Variants in SDK1 observed in about 807,000 individuals in gnomAD.
SDK1 encodes the protein sidekick cell adhesion molecule 1.
Under a neutral mutation model 245.5 loss-of-function variants are expected in SDK1, and 157 were observed. The ratio of observed to expected loss-of-function variants is 0.64; its 90% CI spans 0.56 to 0.73. SDK1 has a LOEUF of 0.73. Among genes scored for constraint, SDK1 ranks in the 30% least tolerant of loss-of-function variants. The probability of loss-of-function intolerance (pLI) is 0.00; values close to 1 mark genes in which losing one functional copy is unlikely to be tolerated. For missense variants in SDK1, 3,583 were observed against 3,002.3 expected (o/e 1.19, Z -4.52); for synonymous variants, 1,647 against 1,278.5 (o/e 1.29, Z -6.15).
chr7:3,477,370 A>G (rs1171244578), intron 1 of SDK1, among the ~76,000 whole-genome samples: 1 of 146,714 alleles, frequency 6.8e-6, no homozygotes, highest in Non-Finnish European at 1.5e-5. Flanking sequence ...GAATTTTTGT[A>G]TTTTTAGTAG....
chr7:3,778,126 C>G (rs1272075879), intron 4 of SDK1, among the ~76,000 whole-genome samples: 1 of 152,172 alleles, frequency 6.6e-6, no homozygotes, highest in African/African-American at 2.4e-5. Flanking sequence ...CCCATGCCGT[C>G]GTGTCTCCCA....
intron 1 of SDK1, among the ~76,000 whole-genome samples, chr7:3,598,610 T>G (rs958879295): frequency 1.3e-5 from 2 of 152,210 alleles, no homozygotes; most frequent in African/African-American, 2.4e-5. Flanking sequence ...CACACCTTCC[T>G]CATTTCCCTT....
At chr7:3,857,534 G>C (rs114863576) in intron 5 of SDK1, among the ~76,000 whole-genome samples, 1 of 151,802 alleles carries the variant, frequency 6.6e-6, no homozygotes, top group African/African-American at 2.4e-5. Flanking sequence ...AATAATAAAA[G>C]AAATTAACCA....
intron 4 of SDK1, among the ~76,000 whole-genome samples, chr7:3,784,956 A>C (rs1780854032): frequency 6.6e-6 from 1 of 152,236 alleles, no homozygotes; most frequent in Non-Finnish European, 1.5e-5. Flanking sequence ...TCAGCCTAAG[A>C]GTCCATCAGC....
chr7:4,234,184 G>A (rs1785996803), intron 41 of SDK1, among the ~76,000 whole-genome samples: 1 of 152,182 alleles, frequency 6.6e-6, no homozygotes, highest in Non-Finnish European at 1.5e-5. Flanking sequence ...CTGGGCTCAA[G>A]GTGAGCAGTA....
chr7:3,578,746 T>C (rs1780387481), intron 1 of SDK1, among the ~76,000 whole-genome samples: 1 of 151,882 alleles, frequency 6.6e-6, no homozygotes, highest in Non-Finnish European at 1.5e-5. Context: ...TACGGCTCTT[T>C]TTGCCTCACC....
At chr7:4,005,506 C>T (rs974837126) in intron 14 of SDK1, among the ~76,000 whole-genome samples, 2 of 151,172 alleles carry the variant, frequency 1.3e-5, no homozygotes, top group Admixed American at 6.6e-5. Flanking sequence ...ACCAGCTGCC[C>T]CGCTTCTGGT....
At chr7:3,738,701 C>G (rs1005212347) in intron 4 of SDK1, among the ~76,000 whole-genome samples, 1 of 152,000 alleles carries the variant, frequency 6.6e-6, no homozygotes, top group African/African-American at 2.4e-5. Context: ...TCTTTTATTT[C>G]TTTCAGAAAT....
chr7:3,874,708 A>G (rs1781033567), intron 5 of SDK1, among the ~76,000 whole-genome samples: 2 of 152,050 alleles, frequency 1.3e-5, no homozygotes, highest in Middle Eastern at 3.4e-3. Flanking sequence ...TTCATTCCTT[A>G]GGGAAGATGG....
chr7:3,775,038 C>T (rs1780513459), intron 4 of SDK1, among the ~76,000 whole-genome samples: 2 of 152,326 alleles, frequency 1.3e-5, no homozygotes, highest in East Asian at 1.9e-4. Flanking sequence ...TGATCGATGG[C>T]AGGGTCAGCT....
At chr7:3,379,851 G>T (rs1207443471) in intron 1 of SDK1, among the ~76,000 whole-genome samples, 1 of 152,088 alleles carries the variant, frequency 6.6e-6, no homozygotes, top group African/African-American at 2.4e-5. Context: ...AGTGCTCATT[G>T]GAGCATTTCA....
chr7:4,104,700 A>G (rs1225512044), intron 22 of SDK1, among the ~76,000 whole-genome samples: 2 of 152,070 alleles, frequency 1.3e-5, no homozygotes, highest in African/African-American at 2.4e-5. Context: ...GTATGCATGT[A>G]TGTATTTATT....
Position 4,268,327 on chromosome 7 carries a change from G to T in SDK1, c.*2943G>T. 9.7e-7 allele frequency: 1 copy of T among 1,032,754 alleles called. No homozygotes were observed. The highest frequency in any genetic ancestry group is 5.2e-5 in the Admixed American group (1 of 19,234). The allele number at this position is 1,032,754 out of a possible 1,614,324, so 64.0% of individuals were successfully genotyped here. A position where few individuals can be genotyped will look rare whatever the true frequency, so the allele number is the denominator to read the frequency against. On this transcript the variant is annotated 3_prime_UTR_variant, in exon 45 of 45. Coordinates refer to ENST00000404826, the MANE Select transcript of SDK1 (RefSeq NM_152744.4). ...GCCAGGGCAGAGATTCCAGGCAGGTGAGCCCAGAGAGAGCTGCCAGGCCAC... is the reference window on the plus strand; with the variant it reads ...GCCAGGGCAGAGATTCCAGGCAGGTTAGCCCAGAGAGAGCTGCCAGGCCAC...
intron 1 of SDK1, among the ~76,000 whole-genome samples, chr7:3,406,137 A>G (rs1779048988): frequency 6.6e-6 from 1 of 151,760 alleles, no homozygotes; most frequent in Non-Finnish European, 1.5e-5. Flanking sequence ...TTCTAAACAA[A>G]CTCTAGAACA....
At chr7:3,616,361 G>A (rs1781771635) in intron 1 of SDK1, among the ~76,000 whole-genome samples, 1 of 152,200 alleles carries the variant, frequency 6.6e-6, no homozygotes, top group Admixed American at 6.5e-5. Context: ...AACACGTGTG[G>A]CCCTGCCTGC....
At chr7:4,146,827 C>A (rs1780017714) in intron 29 of SDK1, among the ~76,000 whole-genome samples, 1 of 152,208 alleles carries the variant, frequency 6.6e-6, no homozygotes, top group South Asian at 2.1e-4. Flanking sequence ...AGCAGCATGG[C>A]ATTAGCTCTG....
chr7:4,045,799 A>G (rs923027863), intron 17 of SDK1, among the ~76,000 whole-genome samples: 9 of 152,112 alleles, frequency 5.9e-5, no homozygotes, highest in African/African-American at 2.2e-4. Context: ...AGGGCATCCC[A>G]TCATGGTAAA....
intron 1 of SDK1, among the ~76,000 whole-genome samples, chr7:3,532,924 C>T (rs1214191276): frequency 6.6e-6 from 1 of 152,156 alleles, no homozygotes; most frequent in Non-Finnish European, 1.5e-5. Context: ...TCAAACACAC[C>T]ATGCATCGGC....
At chr7:3,653,889 C>T (rs1783081046) in intron 4 of SDK1, among the ~76,000 whole-genome samples, 1 of 152,146 alleles carries the variant, frequency 6.6e-6, no homozygotes, top group Admixed American at 6.5e-5. Flanking sequence ...AGGATGATCT[C>T]TTCCTCCTGG....
Sources: gnomAD v4.1 joint callset for allele counts (sites outside exome capture counted in the v4.1 genomes callset) on GRCh38, gnomAD v4.1.1 for gene constraint, MANE v1.5 for transcripts, NCBI Gene and HGNC (gene_info 2026-07-23, HGNC 2026-07-21) for gene names.